FUOM: variants seen among roughly 807,000 people sequenced by gnomAD.
FUOM encodes the protein fucose mutarotase.
A neutral mutation model predicts 18.3 loss-of-function variants in FUOM; 19 were observed. That is an observed-to-expected ratio of 1.04 (90% confidence interval 0.73 to 1.53). The LOEUF (loss-of-function observed/expected upper bound fraction) is 1.53, where lower values mean the gene tolerates loss of function less well. Among genes scored for constraint, FUOM ranks in the 40% most tolerant of loss-of-function variants. The pLI is 0.00. For missense variants in FUOM, 210 were observed against 200.9 expected (o/e 1.04, Z -0.27); for synonymous variants, 102 against 87.9 (o/e 1.16, Z -0.90).
intron 1 of FUOM, 35 bp from the exon 2 acceptor site, chr10:133,357,290 T>C (rs1189725689): frequency 1.9e-6 from 3 of 1,551,130 alleles, no homozygotes; most frequent in African/African-American, 1.4e-5. Flanking sequence ...TGTCGGCACC[T>C]ATCCCTGCCC....
Position 133,355,347 on chromosome 10 carries a change from G to T in FUOM, c.*23C>A. On this transcript the variant is annotated 3_prime_UTR_variant, in exon 6 of 6. Transcript: ENST00000278025. ...TCAGGGTGCCCCCAGTTCCTCTTCC[G>T]GCCCAGGTGGTCTTCACCAGGCCTA... 1 of 1,584,018 alleles carries T rather than the reference G, an allele frequency of 6.3e-7. No homozygotes were observed. The highest frequency in any genetic ancestry group is 2.3e-5 in the East Asian group (1 of 43,900).
intron 1 of FUOM, 40 bp from the exon 2 acceptor site, chr10:133,357,295 C>G (rs1178308020): frequency 1.3e-6 from 2 of 1,548,808 alleles, no homozygotes; most frequent in Non-Finnish European, 1.7e-6. Flanking sequence ...GCACCTATCC[C>G]TGCCCTCGGG....
Position 133,357,951 on chromosome 10 carries a change from C to T in FUOM, c.57G>A (p.Leu19=). The T allele has an allele frequency of 6.6e-7, 1 of 1,526,516 alleles. No individual in the cohort carries two copies. Among genetic ancestry groups the T allele is most frequent in the Non-Finnish European group, 8.8e-7 (1 of 1,140,566 alleles). 94.6% of individuals were successfully genotyped at this position (1,526,516 alleles called of 1,614,324 possible). A position where few individuals can be genotyped will look rare whatever the true frequency, so the allele number is the denominator to read the frequency against. Residue 19 remains leucine, a synonymous_variant, in exon 1 of 6, where the codon CTG becomes CTA. Coordinates refer to ENST00000278025, the MANE Select transcript of FUOM (RefSeq NM_001098483.3). ...ALLSPELLYA[L]ARMGHGDEIV... ...TCTCGTCCCCGTGCCCCATCCGCGC[C>T]AGCGCGTAGAGCAGCTCGGGGGACA... is the stretch of plus-strand genomic sequence containing the variant.
chr10:133,357,851 G>C, intron 1 of FUOM, 72 bp downstream of exon 1: 1 of 1,330,694 alleles, frequency 7.5e-7, no homozygotes, highest in Non-Finnish European at 1.0e-6. Flanking sequence ...CCCGGCCCGG[G>C]GGTCCCCGTG....
chr10:133,355,291 G>C lies in FUOM; in HGVS notation c.*79C>G. The stretch of plus-strand genomic sequence containing the variant: ...GGCCCAGGTCTGGGAGCTGCCACTG[G>C]GAGGCCTGTTGTGAGTGGTGGTACT... On this transcript the variant is annotated 3_prime_UTR_variant, in exon 6 of 6. Transcript: ENST00000278025. The C allele has an allele frequency of 2.0e-6, 3 of 1,482,270 alleles. No individual in the cohort carries two copies. In the South Asian group the frequency reaches 3.8e-5, roughly 19 times the overall value. 91.8% of individuals were successfully genotyped at this position (1,482,270 alleles called of 1,614,324 possible).
chr10:133,357,886 C>G (rs1301326165), intron 1 of FUOM, 37 bp downstream of exon 1: 52 of 1,497,482 alleles, frequency 3.5e-5, no homozygotes, highest in Non-Finnish European at 4.5e-5. Flanking sequence ...CTGCCTGTCC[C>G]GGGGTGCTCC....
At chr10:133,357,710 G>C in intron 1 of FUOM, 1 of 525,926 alleles carries the variant, frequency 1.9e-6, no homozygotes. Context: ...GAGGGACTCC[G>C]GGAGAAGCTC....
At chr10:133,355,670 G>C in intron 5 of FUOM, 68 bp downstream of exon 5, 3 of 1,545,254 alleles carry the variant, frequency 1.9e-6, no homozygotes, top group Non-Finnish European at 2.7e-6. Flanking sequence ...GAGGCCCCCC[G>C]GTGGGGATGG....
Position 133,355,247 on chromosome 10 carries a change from C to A in FUOM, c.*123G>T. 9.0e-7 allele frequency: 1 copy of A among 1,107,454 alleles called. No homozygotes were observed. Among genetic ancestry groups the A allele is most frequent in the Non-Finnish European group, 1.3e-6 (1 of 796,846 alleles). The allele number at this position is 1,107,454 out of a possible 1,614,324, so 68.6% of individuals were successfully genotyped here. On this transcript the variant is annotated 3_prime_UTR_variant, in exon 6 of 6. Coordinates refer to ENST00000278025, the MANE Select transcript of FUOM (RefSeq NM_001098483.3). ...GCAGGGCCCACCCCAAGACTGCCGG[C>A]CCCTAGAGCCCTGGCCAGGGCCCAG...
Position 133,355,178 on chromosome 10 carries a change from G to A in FUOM, c.*192C>T, listed in dbSNP as rs181385163. 1.7e-5 allele frequency: 11 copies of A among 629,222 alleles called. No homozygotes were observed. Among genetic ancestry groups the A allele is most frequent in the East Asian group, 1.1e-4 (4 of 36,382 alleles). 39.0% of individuals were successfully genotyped at this position (629,222 alleles called of 1,614,324 possible). On this transcript the variant is annotated 3_prime_UTR_variant, in exon 6 of 6. Coordinates refer to ENST00000278025, the MANE Select transcript of FUOM (RefSeq NM_001098483.3). ...TGGAATTGGACTCTTGAGACTGAACGTTTTTCCATCATTTTCACAAATCAG... is the reference window on the plus strand; with the variant it reads ...TGGAATTGGACTCTTGAGACTGAACATTTTTCCATCATTTTCACAAATCAG...
chr10:133,357,351 G>C lies in FUOM; in HGVS notation c.86-96C>G, dbSNP rs1848842126. ...CACCCAGTCATGGCGGCAGATCGTG[G>C]GTCACAAGAGGTCTCAGGTCAGCCA... is the stretch of plus-strand genomic sequence containing the variant. On this transcript the variant is annotated intron_variant, in intron 1 of 5. Transcript: ENST00000278025. 4 of 1,211,132 alleles carry C rather than the reference G, an allele frequency of 3.3e-6. No individual in the cohort carries two copies. In the African/African-American group the frequency reaches 6.0e-5, roughly 18 times the overall value. 75.0% of individuals were successfully genotyped at this position (1,211,132 alleles called of 1,614,324 possible). A position where few individuals can be genotyped will look rare whatever the true frequency, so the allele number is the denominator to read the frequency against.
At chr10:133,356,891 A>G in intron 3 of FUOM, 52 bp downstream of exon 3, 2 of 1,529,230 alleles carry the variant, frequency 1.3e-6, no homozygotes, top group Admixed American at 2.0e-5. Context: ...AGCCCGCAAA[A>G]GGGGAAACTG....
intron 4 of FUOM, among the ~76,000 whole-genome samples, chr10:133,356,101 GGGAGTCCCCTGCCCA>G (rs1319433991): frequency 6.6e-6 from 1 of 152,196 alleles, no homozygotes; most frequent in Non-Finnish European, 1.5e-5. Flanking sequence ...CTGTCCTGGG[GGGAGTCCCCTGCCCA>G]GGACAAGAGC....
At chr10:133,355,934 C>T (rs1281536687) in intron 4 of FUOM, 123 bp from the exon 5 acceptor site, 1 of 840,292 alleles carries the variant, frequency 1.2e-6, no homozygotes, top group African/African-American at 1.7e-5. Flanking sequence ...TTCTTGGGCT[C>T]TCCCCCGGCA....
chr10:133,357,364 C>T, intron 1 of FUOM, 109 bp from the exon 2 acceptor site: 1 of 1,130,626 alleles, frequency 8.8e-7, no homozygotes. Context: ...CACAAGAGGT[C>T]TCAGGTCAGC....
At position 133,355,292 on chromosome 10, in the gene FUOM, G is replaced by A. The variant is rs1848750528; in HGVS notation, c.*78C>T. ...GCCCAGGTCTGGGAGCTGCCACTGG[G>A]AGGCCTGTTGTGAGTGGTGGTACTG... On this transcript the variant is annotated 3_prime_UTR_variant, in exon 6 of 6. Transcript: ENST00000278025. The A allele has an allele frequency of 4.7e-6, 7 of 1,484,946 alleles. No individual in the cohort carries two copies. Among genetic ancestry groups the A allele is most frequent in the Non-Finnish European group, 6.3e-6 (7 of 1,111,762 alleles). 92.0% of individuals were successfully genotyped at this position (1,484,946 alleles called of 1,614,324 possible).
At chr10:133,353,863 C>G (rs1848721835), downstream of FUOM, among the ~76,000 whole-genome samples, 1 of 152,014 alleles carries the variant, frequency 6.6e-6, no homozygotes, top group Non-Finnish European at 1.5e-5. Flanking sequence ...GAGATTTGGG[C>G]AACTCCTTCC....
chr10:133,354,844 G>C (rs1330624650), downstream of FUOM, among the ~76,000 whole-genome samples: 1 of 152,150 alleles, frequency 6.6e-6, no homozygotes, highest in Non-Finnish European at 1.5e-5. Context: ...AGTTCCTCCC[G>C]AAGCGTCCAG....
At position 133,355,326 on chromosome 10, in the gene FUOM, G is replaced by C. The variant is rs770017838; in HGVS notation, c.*44C>G. On this transcript the variant is annotated 3_prime_UTR_variant, in exon 6 of 6. Coordinates refer to ENST00000278025, the MANE Select transcript of FUOM (RefSeq NM_001098483.3). Reference sequence around the variant, plus strand: ...TGTGAGTGGTGGTACTGGAGCTCAGGGTGCCCCCAGTTCCTCTTCCGGCCC... The same window carrying C: ...TGTGAGTGGTGGTACTGGAGCTCAGCGTGCCCCCAGTTCCTCTTCCGGCCC... The C allele has an allele frequency of 2.3e-5, 35 of 1,552,928 alleles. No homozygotes were observed. The East Asian group carries it at 7.5e-4, about 33-fold the overall frequency.
Sources: allele counts gnomAD v4.1 joint callset (sites outside exome capture counted in the v4.1 genomes callset), GRCh38; gene constraint gnomAD v4.1.1; transcripts MANE v1.5; gene names NCBI Gene and HGNC (gene_info 2026-07-23, HGNC 2026-07-21).